The following TANC1 variants were observed in gnomAD, a reference collection of about 807,000 sequenced individuals.
TANC1 encodes tetratricopeptide repeat, ankyrin repeat and coiled-coil containing 1.
TANC1 carries 77 observed loss-of-function variants against 149.7 expected under a neutral mutation model. The observed-to-expected ratio is 0.51, with a 90% CI of 0.43 to 0.62. The LOEUF (loss-of-function observed/expected upper bound fraction) is 0.62. Ranked by LOEUF, TANC1 falls within the 20% of genes least tolerant of loss-of-function variation. The pLI, the probability that TANC1 is intolerant of heterozygous loss-of-function variation, is 0.00. For missense variants in TANC1, 1,985 were observed against 2,321.8 expected, an observed-to-expected ratio of 0.85 and a Z score of 2.98; for synonymous variants, 854 against 925.0, an observed-to-expected ratio of 0.92 and a Z score of 1.39.
At chr2:159,125,977 A>C (rs1281641102) in intron 4 of TANC1, among the ~76,000 whole-genome samples, 2 of 152,016 alleles carry the variant, frequency 1.3e-5, no homozygotes, top group African/African-American at 4.8e-5. Context: ...CCCTTCCTTC[A>C]TCTTCAATGC....
intron 16 of TANC1, 90 bp downstream of exon 16, chr2:159,187,114 G>A (rs1301813006): frequency 1.4e-5 from 21 of 1,498,686 alleles, no homozygotes; most frequent in African/African-American, 2.8e-5. Flanking sequence ...TCTGCCCTGG[G>A]TGGTGGTGAG....
intron 5 of TANC1, among the ~76,000 whole-genome samples, chr2:159,145,653 A>T (rs2051987727): frequency 6.6e-6 from 1 of 152,218 alleles, no homozygotes; most frequent in East Asian, 1.9e-4. Flanking sequence ...TTGTGCCCCC[A>T]TATGTGGTCC....
chr2:159,044,204 T>C (rs529946967), intron 2 of TANC1, among the ~76,000 whole-genome samples: 2 of 151,794 alleles, frequency 1.3e-5, no homozygotes, highest in South Asian at 4.2e-4. Flanking sequence ...CTTTGGGAGG[T>C]TGAGGTGGGA....
At position 159,232,466 on chromosome 2, in the gene TANC1, A is replaced by G. The variant is rs1205456772; in HGVS notation, c.*1454A>G. ...TAGGAACCTCTGATGTCATTCTTCA[A>G]CGTTTGTTCCTGTGTGTACAATTGT... On this transcript the variant is annotated 3_prime_UTR_variant, in exon 27 of 27. Transcript: ENST00000263635. The G allele has an allele frequency of 6.6e-6, 1 of 152,622 alleles. No homozygotes were observed. The highest frequency in any genetic ancestry group is 1.5e-5 in the Non-Finnish European group (1 of 68,000). The allele number at this position is 152,622 out of a possible 1,614,324, so 9.5% of individuals were successfully genotyped here. A position where few individuals can be genotyped will look rare whatever the true frequency, so the allele number is the denominator to read the frequency against.
In TANC1 at chr2:159,021,198, A is replaced by G. The variant is rs1041003994; in HGVS notation, c.-16+20009A>G. 7.9e-5 allele frequency among the ~76,000 whole-genome samples: 12 copies of G among 152,320 alleles called. 1 individual carries two copies. The highest frequency in any genetic ancestry group is 6.5e-4 in the Admixed American group (10 of 15,298). ...TAGATAATACAGTAAATGAGAATGT[A>G]AGGAGAATTTTAAACTTTTTTTTTA... On this transcript the variant is annotated intron_variant, in intron 2 of 26. Coordinates refer to ENST00000263635, the MANE Select transcript of TANC1 (RefSeq NM_033394.3).
At position 159,170,717 on chromosome 2, in the gene TANC1, G is replaced by A. The variant is rs765734519; in HGVS notation, c.1263G>A (p.Thr421=). ...TTGGCAATGTGGGATTTGGGAAGAC[G>A]GCAATCATTTCCAAGTTGGTGGCCC... ...VVVGNVGFGK[T]AIISKLVALS... is the part of the protein sequence containing the mutation. Residue 421 remains threonine, a synonymous_variant, in exon 10 of 27, where the codon ACG becomes ACA. Coordinates refer to ENST00000263635, the MANE Select transcript of TANC1 (RefSeq NM_033394.3). 11 of 1,614,026 alleles carry A rather than the reference G, an allele frequency of 6.8e-6. No homozygotes were observed. Among genetic ancestry groups the A allele is most frequent in the Admixed American group, 3.3e-5 (2 of 60,002 alleles).
intron 16 of TANC1, among the ~76,000 whole-genome samples, chr2:159,189,045 C>T (rs2150643409): frequency 6.6e-6 from 1 of 152,340 alleles, no homozygotes. Context: ...GGCCTTACTC[C>T]CTCTGAGCCT....
intron 20 of TANC1, 152 bp downstream of exon 20, chr2:159,217,782 C>G: frequency 9.9e-7 from 1 of 1,005,592 alleles, no homozygotes; most frequent in Non-Finnish European, 1.4e-6. Context: ...CTTGATAGAG[C>G]CACGTTTGAC....
chr2:159,050,927 A>G (rs1334025296), intron 2 of TANC1, among the ~76,000 whole-genome samples: 1 of 152,202 alleles, frequency 6.6e-6, no homozygotes, highest in South Asian at 2.1e-4. Context: ...GGCAAAAGAG[A>G]GTTGGCTTGA....
chr2:159,187,852 A>T (rs1478303498), intron 16 of TANC1, among the ~76,000 whole-genome samples: 1 of 152,240 alleles, frequency 6.6e-6, no homozygotes, highest in East Asian at 1.9e-4. Context: ...TAAAAATGGC[A>T]ATATGTTTTC....
chr2:159,128,620 C>A (rs146306111), intron 4 of TANC1, among the ~76,000 whole-genome samples: 6 of 152,256 alleles, frequency 3.9e-5, no homozygotes, highest in Admixed American at 6.5e-5. Context: ...TCCCCCGAGC[C>A]GTGCCTCAAC....
chr2:159,196,408 C>A (rs2057851581), intron 17 of TANC1, among the ~76,000 whole-genome samples, 200 bp from the exon 18 acceptor site: 1 of 152,142 alleles, frequency 6.6e-6, no homozygotes, highest in Non-Finnish European at 1.5e-5. Context: ...GCAAAGGGAA[C>A]CTGAGGCCTG....
At chr2:159,092,905 G>C (rs2045697381) in intron 3 of TANC1, among the ~76,000 whole-genome samples, 1 of 152,210 alleles carries the variant, frequency 6.6e-6, no homozygotes, top group South Asian at 2.1e-4. Context: ...AACGTGTGAA[G>C]TGGTGAGAAT....
At chr2:159,200,768 G>C (rs1387979564) in intron 19 of TANC1, among the ~76,000 whole-genome samples, 1 of 152,166 alleles carries the variant, frequency 6.6e-6, no homozygotes, top group Non-Finnish European at 1.5e-5. Context: ...TATTGGCTGG[G>C]GCTGTGTTCT....
chr2:159,207,730 A>AAAAAAC (rs2058724192), intron 19 of TANC1, among the ~76,000 whole-genome samples: 1 of 141,208 alleles, frequency 7.1e-6, no homozygotes, highest in Non-Finnish European at 1.5e-5. Context: ...AAAAAAAACA[A>AAAAAAC]CTCAGACTTA....
At chr2:159,169,403 G>C (rs1239787640) in intron 9 of TANC1, 31 bp downstream of exon 9, 1 of 1,608,654 alleles carries the variant, frequency 6.2e-7, no homozygotes, top group African/African-American at 1.3e-5. Flanking sequence ...TGCGATAATG[G>C]TTATGACTAA....
chr2:159,056,169 C>A, intron 2 of TANC1: 1 of 239,994 alleles, frequency 4.2e-6, no homozygotes. Context: ...TGATCCAGGA[C>A]GTCATAGATG....
chr2:159,112,239 T>A (rs2047799468), intron 4 of TANC1, among the ~76,000 whole-genome samples: 1 of 152,060 alleles, frequency 6.6e-6, no homozygotes, highest in Non-Finnish European at 1.5e-5. Context: ...TTTTGTTGGT[T>A]TGTTTTTTGT....
At chr2:159,126,559 A>G (rs1436155790) in intron 4 of TANC1, among the ~76,000 whole-genome samples, 2 of 152,248 alleles carry the variant, frequency 1.3e-5, no homozygotes, top group African/African-American at 4.8e-5. Context: ...TTTCTGACCC[A>G]AAGTATACTA....
Sources: gnomAD v4.1 joint callset for allele counts (sites outside exome capture counted in the v4.1 genomes callset) on GRCh38, gnomAD v4.1.1 for gene constraint, MANE v1.5 for transcripts, NCBI Gene and HGNC (gene_info 2026-07-23, HGNC 2026-07-21) for gene names.